Variants in FOXK1 observed in about 807,000 individuals in gnomAD.
FOXK1 encodes forkhead box protein K1.
In FOXK1, 19 loss-of-function variants were observed where a neutral mutation model predicts 51.9. That is an observed-to-expected ratio of 0.37 (90% CI 0.26 to 0.54). FOXK1 has a LOEUF of 0.54. FOXK1 is among the 20% of genes least tolerant of loss of function. FOXK1 has a pLI of 0.87. For synonymous variants in FOXK1, 537 were observed against 482.6 expected (o/e 1.11, Z -1.48); for missense variants, 870 against 1,032.7 (o/e 0.84, Z 2.16).
At position 4,767,261 on chromosome 7, in the gene FOXK1, C is replaced by T. The variant is rs945172246; in HGVS notation, c.*4797C>T. 1 of 152,278 alleles carries T rather than the reference C, an allele frequency of 6.6e-6. No individual in the cohort carries two copies. Among genetic ancestry groups the T allele is most frequent in the Non-Finnish European group, 1.5e-5 (1 of 68,068 alleles). 9.4% of individuals were successfully genotyped at this position (152,278 alleles called of 1,614,324 possible). A position where few individuals can be genotyped will look rare whatever the true frequency, so the allele number is the denominator to read the frequency against. On this transcript the variant is annotated 3_prime_UTR_variant, in exon 9 of 9. Coordinates refer to ENST00000328914, the MANE Select transcript of FOXK1 (RefSeq NM_001037165.2). The surrounding 1 kb of genome is among the most constrained non-coding windows in gnomAD (Gnocchi z 6.6). Reference sequence around the variant, plus strand: ...GCCGCCTCACGTTGCAGGACGGAATCGCGCGCTCCTCACGCTGGAGTAAGT... The same window carrying T: ...GCCGCCTCACGTTGCAGGACGGAATTGCGCGCTCCTCACGCTGGAGTAAGT...
At chr7:4,721,668 G>A (rs543139387) in intron 1 of FOXK1, among the ~76,000 whole-genome samples, 1 of 136,994 alleles carries the variant, frequency 7.3e-6, no homozygotes, top group African/African-American at 2.8e-5. Flanking sequence ...TTGGCTCACT[G>A]CAACCTCTCC....
chr7:4,745,472 T>TTGTGTG lies in FOXK1; in HGVS notation c.746+4461_746+4466dup, dbSNP rs111622709. On this transcript the variant is annotated intron_variant, in intron 2 of 8. Coordinates refer to ENST00000328914, the MANE Select transcript of FOXK1 (RefSeq NM_001037165.2). This position sits in a 1 kb window ranked among gnomAD's most constrained non-coding sequence, Gnocchi z 4.3. Reference sequence around the variant, plus strand: ...TGGGTATGGGTGTGGGTGTGTGGTTTTGTGTGTGTGTGTGTGTTTCTGATT... The same window carrying TTGTGTG: ...TGGGTATGGGTGTGGGTGTGTGGTTTTGTGTGTGTGTGTGTGTGTGTGTTTCTGATT... Among the ~76,000 whole-genome samples the TTGTGTG allele has an allele frequency of 3.8e-3, 570 of 150,594 alleles. 1 individual carries two copies. Among genetic ancestry groups the TTGTGTG allele is most frequent in the Admixed American group, 6.8e-3 (103 of 15,138 alleles).
intron 2 of FOXK1, among the ~76,000 whole-genome samples, chr7:4,742,246 A>T (rs891800362): frequency 1.3e-5 from 2 of 152,128 alleles, no homozygotes; most frequent in Non-Finnish European, 2.9e-5. Flanking sequence ...GCCCTCGGGG[A>T]CATCTGTGAA....
At chr7:4,700,246 A>G (rs1780004739) in intron 1 of FOXK1, among the ~76,000 whole-genome samples, 2 of 152,242 alleles carry the variant, frequency 1.3e-5, no homozygotes. Flanking sequence ...GCCTCAGTAC[A>G]TACCAATATG....
intron 1 of FOXK1, among the ~76,000 whole-genome samples, chr7:4,701,066 C>T (rs997940096): frequency 2.0e-5 from 3 of 152,214 alleles, no homozygotes; most frequent in East Asian, 3.9e-4. Context: ...CAGCCTGTTC[C>T]AGCAGGGGCG....
At chr7:4,688,540 C>T (rs756440336) in intron 1 of FOXK1, among the ~76,000 whole-genome samples, 3 of 152,056 alleles carry the variant, frequency 2.0e-5, no homozygotes, top group Non-Finnish European at 4.4e-5. Flanking sequence ...GGATTACAGG[C>T]GCTCGCCACG....
At chr7:4,750,168 TC>T (rs1336455987) in intron 2 of FOXK1, among the ~76,000 whole-genome samples, 2 of 152,156 alleles carry the variant, frequency 1.3e-5, no homozygotes, top group African/African-American at 4.8e-5. Flanking sequence ...CTGTGCTTCT[TC>T]CCTCTCTCAG....
In FOXK1 at chr7:4,747,248, C is replaced by T. The variant is rs1020292563; in HGVS notation, c.746+6225C>T. On this transcript the variant is annotated intron_variant, in intron 2 of 8. Transcript: ENST00000328914. This position sits in a 1 kb window ranked among gnomAD's most constrained non-coding sequence, Gnocchi z 9.2. Reference sequence around the variant, plus strand: ...GCATGGCTTCTGTGCGGGCATGTTACGCACGAGGACAGCCCTTTCCGGGTT... The same window carrying T: ...GCATGGCTTCTGTGCGGGCATGTTATGCACGAGGACAGCCCTTTCCGGGTT... Among the ~76,000 whole-genome samples the T allele has an allele frequency of 3.9e-5, 6 of 151,960 alleles. No homozygotes were observed. Among genetic ancestry groups the T allele is most frequent in the Non-Finnish European group, 8.8e-5 (6 of 67,944 alleles).
chr7:4,705,552 T>TCTCGCTCTCACTCTCG (rs1554249279), intron 1 of FOXK1, among the ~76,000 whole-genome samples: 5 of 143,582 alleles, frequency 3.5e-5, no homozygotes, highest in Non-Finnish European at 6.0e-5. Context: ...TCTCTCTCTC[T>TCTCGCTCTCACTCTCG]CTCTCTCGCT....
intron 1 of FOXK1, among the ~76,000 whole-genome samples, chr7:4,705,443 C>T (rs970868141): frequency 6.6e-6 from 1 of 151,972 alleles, no homozygotes; most frequent in Non-Finnish European, 1.5e-5. Flanking sequence ...TGGCCTCCCG[C>T]AGTGCTGGGA....
In FOXK1 at chr7:4,763,982, T is replaced by C. The variant is rs1372142994; in HGVS notation, c.*1518T>C. 2.6e-5 allele frequency: 4 copies of C among 152,280 alleles called. No individual in the cohort carries two copies. Among genetic ancestry groups the C allele is most frequent in the Admixed American group, 2.0e-4 (3 of 15,288 alleles). The allele number at this position is 152,280 out of a possible 1,614,324, so 9.4% of individuals were successfully genotyped here. On this transcript the variant is annotated 3_prime_UTR_variant, in exon 9 of 9. Coordinates refer to ENST00000328914, the MANE Select transcript of FOXK1 (RefSeq NM_001037165.2). ...AGTGGTTCTTGGAAATCGCCCGTCCTCCGCATCACAGCCTCTCACCAGCAA... is the reference window on the plus strand; with the variant it reads ...AGTGGTTCTTGGAAATCGCCCGTCCCCCGCATCACAGCCTCTCACCAGCAA...
At chr7:4,732,566 T>C (rs932710225) in intron 1 of FOXK1, among the ~76,000 whole-genome samples, 5 of 152,116 alleles carry the variant, frequency 3.3e-5, no homozygotes, top group African/African-American at 4.8e-5. Context: ...AGCGCTGGGA[T>C]TACAGGCGTG....
chr7:4,708,966 G>A (rs1054595465), intron 1 of FOXK1, among the ~76,000 whole-genome samples: 5 of 151,678 alleles, frequency 3.3e-5, no homozygotes, highest in African/African-American at 1.2e-4. Flanking sequence ...TCGGGAGACT[G>A]AGGCAGGAGA....
chr7:4,738,683 G>A (rs937399064), intron 1 of FOXK1, among the ~76,000 whole-genome samples: 3 of 152,274 alleles, frequency 2.0e-5, no homozygotes, highest in East Asian at 3.9e-4. Flanking sequence ...GTGCCTCCCA[G>A]ACAGCTTCTC....
rs1780979260 is a variant in FOXK1 at position 4,764,321 on chromosome 7, A to T, written c.*1857A>T. ...TTGTTTTTCTAAGCCCCCCGAATTG[A>T]GTCGTTTCTATGGCACTAACCTTTC... On this transcript the variant is annotated 3_prime_UTR_variant, in exon 9 of 9. Transcript: ENST00000328914. The T allele has an allele frequency of 6.5e-6, 1 of 154,272 alleles. No individual in the cohort carries two copies. The highest frequency in any genetic ancestry group is 6.5e-5 in the Admixed American group (1 of 15,276). 9.6% of individuals were successfully genotyped at this position (154,272 alleles called of 1,614,324 possible).
In FOXK1 at chr7:4,757,111, G is replaced by A. The variant is rs575372192; in HGVS notation, c.1168G>A (p.Val390Met). 134 of 1,613,580 alleles carry A rather than the reference G, an allele frequency of 8.3e-5. No homozygotes were observed. Among genetic ancestry groups the A allele is most frequent in the Non-Finnish European group, 1.1e-4 (131 of 1,180,000 alleles). The change falls in exon 5 of 9, where the codon GTG becomes ATG. Residue 390 changes from valine (V) to methionine (M), a missense_variant. Physicochemically the swap from Val to Met is conservative, Grantham distance 21. Transcript: ENST00000328914. ...RIDPASEAKL[V>M]EQAFRKRRQR... ...AGACCCTGCCTCTGAAGCCAAGCTC[G>A]TGGAACAGGCATTCCGGAAACGGAG...
intron 1 of FOXK1, among the ~76,000 whole-genome samples, chr7:4,704,311 C>A (rs538247739): frequency 6.6e-6 from 1 of 151,664 alleles, no homozygotes; most frequent in Non-Finnish European, 1.5e-5. Context: ...ATTAGTCGGG[C>A]GTAGTGGGGC....
intron 1 of FOXK1, among the ~76,000 whole-genome samples, chr7:4,695,163 C>T (rs562113159): frequency 1.8e-4 from 28 of 152,350 alleles, no homozygotes; most frequent in Middle Eastern, 3.4e-3. Flanking sequence ...CTTGGCTGTA[C>T]AGCCCTGGCA....
At position 4,733,128 on chromosome 7, in the gene FOXK1, C is replaced by A. The variant is rs2115056243; in HGVS notation, c.561-7710C>A. ...TTAGGACGTAGTTTTGATTTTGCAA[C>A]AAAGGTCAAAAATAACGAGGGCCAA... On this transcript the variant is annotated intron_variant, in intron 1 of 8. Coordinates refer to ENST00000328914, the MANE Select transcript of FOXK1 (RefSeq NM_001037165.2). This position sits in a 1 kb window ranked among gnomAD's most constrained non-coding sequence, Gnocchi z 5.0. Among the ~76,000 whole-genome samples the A allele has an allele frequency of 6.6e-6, 1 of 152,176 alleles. No individual in the cohort carries two copies.
Sources: gnomAD v4.1 joint callset for allele counts (sites outside exome capture counted in the v4.1 genomes callset) on GRCh38, gnomAD v4.1.1 for gene constraint, Gnocchi (gnomAD v3.1) non-coding constraint, MANE v1.5 for transcripts, NCBI Gene and HGNC (gene_info 2026-07-23, HGNC 2026-07-21) for gene names.